The following RUFY3 variants were observed in gnomAD, a reference collection of about 807,000 sequenced individuals.
RUFY3 encodes the protein RUN and FYVE domain containing 3, also known as protein RUFY3.
RUFY3 carries 34 observed loss-of-function variants against 84.0 expected under a neutral mutation model. That is an observed-to-expected ratio of 0.40 (90% CI 0.31 to 0.54). The LOEUF is 0.54. Among genes scored for constraint, RUFY3 ranks in the 20% least tolerant of loss-of-function variants. RUFY3 has a pLI of 0.39. For missense variants in RUFY3, 507 were observed against 736.8 expected (o/e 0.69, Z 3.61); for synonymous variants, 242 against 252.9 (o/e 0.96, Z 0.41).
intron 8 of RUFY3, among the ~76,000 whole-genome samples, chr4:70,782,772 G>A (rs1416774623): frequency 1.3e-5 from 2 of 152,046 alleles, no homozygotes; most frequent in Admixed American, 6.5e-5. Flanking sequence ...AATTAGTTGG[G>A]CGTGGTGGTG....
chr4:70,764,323 T>G (rs1725484604), intron 3 of RUFY3, 152 bp from the exon 4 acceptor site: 2 of 522,642 alleles, frequency 3.8e-6, no homozygotes, highest in South Asian at 3.5e-5. Flanking sequence ...AAAAATTCCT[T>G]GCATGGGAAT....
In RUFY3 at chr4:70,788,839, A is replaced by T. The variant is rs1290278624; in HGVS notation, c.1105A>T (p.Met369Leu). ...VEKELEMQIS[M>L]RQEMELAMKM... ...GAAAGAACTGGAGATGCAGATCAGCATGAGGCAGGAGATGGAATTGGCTAT... is the reference window on the plus strand; with the variant it reads ...GAAAGAACTGGAGATGCAGATCAGCTTGAGGCAGGAGATGGAATTGGCTAT... The change falls in exon 11 of 18, where the codon ATG becomes TTG. Residue 369 changes from methionine (M) to leucine (L), a missense_variant. Physicochemically the swap from Met to Leu is conservative, Grantham distance 15. This residue lies in a region of RUFY3 where 334 missense variants were observed against 364.1 expected (regional missense o/e 0.92). Coordinates refer to ENST00000381006, the MANE Select transcript of RUFY3 (RefSeq NM_001037442.4). The T allele has an allele frequency of 6.2e-7, 1 of 1,614,130 alleles. No homozygotes were observed. The highest frequency in any genetic ancestry group is 1.1e-5 in the South Asian group (1 of 91,080).
intron 1 of RUFY3, among the ~76,000 whole-genome samples, chr4:70,748,983 G>A (rs1388602020): frequency 6.6e-6 from 1 of 152,120 alleles, no homozygotes; most frequent in Non-Finnish European, 1.5e-5. Flanking sequence ...ACATCACTCA[G>A]GGAATATGAG....
chr4:70,787,187 A>AAAAAAAAAAT (rs1553920475), intron 10 of RUFY3, among the ~76,000 whole-genome samples: 4 of 81,476 alleles, frequency 4.9e-5, no homozygotes, highest in African/African-American at 2.1e-4. Flanking sequence ...AAAAAAAAAA[A>AAAAAAAAAAT]ATATATATAT....
chr4:70,767,576 A>G (rs74445712), intron 4 of RUFY3, among the ~76,000 whole-genome samples: 4,095 of 152,254 alleles, frequency 0.027, 80 homozygotes, highest in Middle Eastern at 0.054. Context: ...GTAAATACCA[A>G]GGAATGCAAT....
chr4:70,720,475 C>A (rs556609411), upstream of RUFY3, among the ~76,000 whole-genome samples: 1 of 152,306 alleles, frequency 6.6e-6, no homozygotes, highest in African/African-American at 2.4e-5. Flanking sequence ...TGAGCCACCG[C>A]GCCCAGCCAT....
upstream of RUFY3, among the ~76,000 whole-genome samples, chr4:70,719,541 A>G (rs1333013906): frequency 6.6e-6 from 1 of 152,236 alleles, no homozygotes; most frequent in Non-Finnish European, 1.5e-5. Flanking sequence ...TGTTTTAAGA[A>G]CATATCAGTG....
At chr4:70,705,363 C>T (rs1326824570) in intron 1 of RUFY3, 15 of 1,158,040 alleles carry the variant, frequency 1.3e-5, no homozygotes, top group Non-Finnish European at 1.6e-5. Flanking sequence ...GCCGGCCCGG[C>T]CCCCGCGGAG....
At chr4:70,801,423 G>A (rs1732221043) in intron 15 of RUFY3, among the ~76,000 whole-genome samples, 1 of 152,168 alleles carries the variant, frequency 6.6e-6, no homozygotes, top group Non-Finnish European at 1.5e-5. Flanking sequence ...GGTGCAGCAT[G>A]TTGACAAAGA....
rs1027758377 is a variant in RUFY3 at position 70,802,348 on chromosome 4, AT to A, written c.1623-604del. 5.9e-5 allele frequency among the ~76,000 whole-genome samples: 9 copies of A among 152,280 alleles called. No individual in the cohort carries two copies. The East Asian group carries it at 1.5e-3, about 26-fold the overall frequency. The stretch of plus-strand genomic sequence containing the variant: ...TAAGAACCATTGCAATCTGTAGTGC[AT>A]TTTCCCTGTAACCGAGAGCGGGCTT... On this transcript the variant is annotated intron_variant, in intron 15 of 17. Transcript: ENST00000381006.
At chr4:70,781,799 A>G (rs1728969290) in intron 8 of RUFY3, among the ~76,000 whole-genome samples, 2 of 152,210 alleles carry the variant, frequency 1.3e-5, no homozygotes, top group Admixed American at 1.3e-4. Flanking sequence ...ATGAGGAGAT[A>G]ATAATTGAGG....
chr4:70,712,027 GTCTT>G (rs1236310266), intron 1 of RUFY3, among the ~76,000 whole-genome samples: 1 of 152,128 alleles, frequency 6.6e-6, no homozygotes, highest in African/African-American at 2.4e-5. Flanking sequence ...TAATCTTTGA[GTCTT>G]TCTTTGGTTG....
At chr4:70,795,581 C>T (rs1731397956) in intron 14 of RUFY3, among the ~76,000 whole-genome samples, 1 of 152,062 alleles carries the variant, frequency 6.6e-6, no homozygotes. Flanking sequence ...AAATTGCCTT[C>T]TGTGTGTACA....
intron 8 of RUFY3, 31 bp downstream of exon 8, chr4:70,778,469 T>C (rs375615341): frequency 1.9e-5 from 22 of 1,178,058 alleles, no homozygotes; most frequent in African/African-American, 4.6e-5. Flanking sequence ...GATTGACTTA[T>C]AGAATTTAAT....
chr4:70,705,168 G>C, exon 1 of RUFY3: 1 of 1,460,558 alleles, frequency 6.8e-7, no homozygotes, highest in Non-Finnish European at 9.0e-7. Context: ...CGCCGGCTTC[G>C]GAGTGCGCCC....
intron 1 of RUFY3, among the ~76,000 whole-genome samples, chr4:70,746,020 A>G (rs1340733438): frequency 2.6e-5 from 4 of 152,246 alleles, no homozygotes; most frequent in East Asian, 3.9e-4. Context: ...AGCCTGGGCA[A>G]TAGAGTGAGT....
At chr4:70,748,082 A>G (rs115243034) in intron 1 of RUFY3, among the ~76,000 whole-genome samples, 1,733 of 152,204 alleles carry the variant, frequency 0.011, 28 homozygotes, top group African/African-American at 0.04. Flanking sequence ...GTGGCAGACC[A>G]TTTTGATTCT....
At chr4:70,761,506 C>G (rs1463715006) in intron 1 of RUFY3, among the ~76,000 whole-genome samples, 1 of 152,150 alleles carries the variant, frequency 6.6e-6, no homozygotes, top group East Asian at 1.9e-4. Flanking sequence ...GCAGCTGAAG[C>G]TTTACTCTCT....
intron 14 of RUFY3, among the ~76,000 whole-genome samples, chr4:70,796,382 G>C (rs1731509095): frequency 6.6e-6 from 1 of 152,126 alleles, no homozygotes; most frequent in Admixed American, 6.6e-5. Flanking sequence ...CCATTGCTTT[G>C]ATTGTGCTTT....
Sources: gnomAD v4.1 joint callset for allele counts (sites outside exome capture counted in the v4.1 genomes callset) on GRCh38, gnomAD v4.1.1 for gene constraint, gnomAD v4.1.1 regional missense constraint, MANE v1.5 for transcripts, NCBI Gene and HGNC (gene_info 2026-07-23, HGNC 2026-07-21) for gene names.